Variants in RBFOX1 observed in about 807,000 individuals in gnomAD.
RBFOX1 encodes RNA binding fox-1 homolog 1, also known as RNA binding protein fox-1 homolog 1.
Under a neutral mutation model 57.7 loss-of-function variants are expected in RBFOX1, and 8 were observed. The ratio of observed to expected loss-of-function variants is 0.14; its 90% confidence interval spans 0.08 to 0.25. The LOEUF (loss-of-function observed/expected upper bound fraction) is 0.25, where lower values mean the gene tolerates loss of function less well. Ranked by LOEUF, RBFOX1 falls within the 10% of genes least tolerant of loss-of-function variation. The pLI, the probability that RBFOX1 is intolerant of heterozygous loss-of-function variation, is 1.00. For synonymous variants in RBFOX1, 326 were observed against 222.4 expected, an observed-to-expected ratio of 1.47 and a Z score of -4.15; for missense variants, 611 against 548.5, an observed-to-expected ratio of 1.11 and a Z score of -1.14.
At chr16:7,439,965 T>G (rs2098753446) in intron 4 of RBFOX1, among the ~76,000 whole-genome samples, 1 of 150,532 alleles carries the variant, frequency 6.6e-6, no homozygotes, top group African/African-American at 2.4e-5. Flanking sequence ...TTTTTTTTTT[T>G]TTTTGAGACA....
At chr16:5,997,836 A>G (rs978142952) in intron 4 of RBFOX1, among the ~76,000 whole-genome samples, 9 of 151,618 alleles carry the variant, frequency 5.9e-5, no homozygotes, top group Non-Finnish European at 1.0e-4. Context: ...ATGCCTGTAC[A>G]TTTAGTTTAC....
rs1234165265 is a variant in RBFOX1, at chr16:6,950,356, G to A, written c.-15-101701G>A. On this transcript the variant is annotated intron_variant, in intron 3 of 15. Transcript: ENST00000550418. ...ATCCCATAGAATCACAGTTACTTGT[G>A]TGGATCTCTGTCCCTCTGTCCACCC... Among the ~76,000 whole-genome samples the A allele has an allele frequency of 6.6e-5, 10 of 151,990 alleles. No homozygotes were observed. The East Asian group carries it at 9.7e-4, about 15-fold the overall frequency.
intron 4 of RBFOX1, among the ~76,000 whole-genome samples, chr16:5,925,838 C>G (rs1365584381): frequency 6.6e-6 from 1 of 152,192 alleles, no homozygotes; most frequent in Non-Finnish European, 1.5e-5. Flanking sequence ...CTCCAAATAA[C>G]TACCTGGGCC....
intron 3 of RBFOX1, among the ~76,000 whole-genome samples, chr16:6,777,826 T>A (rs2079634943): frequency 6.6e-6 from 1 of 152,130 alleles, no homozygotes; most frequent in South Asian, 2.1e-4. Context: ...CTTTCCAGTT[T>A]CATTTTCACT....
intron 4 of RBFOX1, among the ~76,000 whole-genome samples, chr16:7,226,725 G>C (rs1352965467): frequency 6.6e-6 from 1 of 152,162 alleles, no homozygotes; most frequent in Non-Finnish European, 1.5e-5. Flanking sequence ...TACGTCTAAA[G>C]TCACAGTTAA....
At chr16:7,125,201 T>C (rs950212351) in intron 4 of RBFOX1, among the ~76,000 whole-genome samples, 4 of 152,186 alleles carry the variant, frequency 2.6e-5, no homozygotes, top group African/African-American at 9.7e-5. Context: ...GGCCACACTG[T>C]CTTGAGTTCA....
At chr16:6,830,283 A>T (rs952667788) in intron 3 of RBFOX1, among the ~76,000 whole-genome samples, 4 of 152,224 alleles carry the variant, frequency 2.6e-5, no homozygotes, top group African/African-American at 9.6e-5. Flanking sequence ...TCTGATATAC[A>T]CAACAGGGAA....
intron 1 of RBFOX1, among the ~76,000 whole-genome samples, chr16:6,176,918 A>G (rs1460579735): frequency 1.3e-5 from 2 of 152,136 alleles, no homozygotes; most frequent in Non-Finnish European, 2.9e-5. Context: ...GTTTTTGTTT[A>G]CTGTGACAAC....
At chr16:5,657,856 C>T (rs898494796) in intron 3 of RBFOX1, among the ~76,000 whole-genome samples, 2 of 151,328 alleles carry the variant, frequency 1.3e-5, no homozygotes, top group Non-Finnish European at 1.5e-5. Context: ...TTCAGACCCC[C>T]AGGTAGCTGG....
intron 4 of RBFOX1, among the ~76,000 whole-genome samples, chr16:5,882,756 G>A (rs749170373): frequency 2.0e-4 from 31 of 152,040 alleles, no homozygotes; most frequent in Non-Finnish European, 4.1e-4. Context: ...GGTTAAAGAC[G>A]GAATTTGACA....
At chr16:5,537,690 T>C (rs973250716) in intron 2 of RBFOX1, among the ~76,000 whole-genome samples, 2 of 152,254 alleles carry the variant, frequency 1.3e-5, no homozygotes, top group Admixed American at 1.3e-4. Flanking sequence ...AAGCCAATGA[T>C]GGCTGGTTGA....
At position 5,856,563 on chromosome 16, in the gene RBFOX1, A is replaced by ATGTGTGTGTGTG. The variant is rs1317876935; in HGVS notation, c.319-10738_319-10727dup. ...TGTGTGTGTGTGTGTGTGTGTGTGT[A>ATGTGTGTGTGTG]TGTGTGTGTGTGTATATATATATAT... is the stretch of plus-strand genomic sequence containing the variant. On this transcript the variant is annotated intron_variant, in intron 3 of 19. Coordinates refer to the RBFOX1 transcript ENST00000641259. Among the ~76,000 whole-genome samples, 327 of 66,888 alleles carry ATGTGTGTGTGTG rather than the reference A, an allele frequency of 4.9e-3. 10 individuals carry two copies. The highest frequency in any genetic ancestry group is 0.032 in the Middle Eastern group (3 of 94). 43.9% of individuals were successfully genotyped at this position (66,888 alleles called of 152,430 possible). A position where few individuals can be genotyped will look rare whatever the true frequency, so the allele number is the denominator to read the frequency against.
rs956369747 is a variant in RBFOX1 at position 5,284,469 on chromosome 16, C to T, written c.219+44364C>T. ...CTTCCCAATGTAGGACTCCCTTAAG[C>T]ATTTCTTGTAGGACCACAACAAACA... is the stretch of plus-strand genomic sequence containing the variant. On this transcript the variant is annotated intron_variant, in intron 1 of 2. Transcript: ENST00000585867. Among the ~76,000 whole-genome samples, 8 of 151,886 alleles carry T rather than the reference C, an allele frequency of 5.3e-5. No individual in the cohort carries two copies. In the South Asian group the frequency reaches 1.5e-3, roughly 28 times the overall value.
intron 3 of RBFOX1, among the ~76,000 whole-genome samples, chr16:6,990,159 G>A (rs1298142184): frequency 6.6e-6 from 1 of 152,184 alleles, no homozygotes; most frequent in Non-Finnish European, 1.5e-5. Context: ...TAGGGATTCA[G>A]TAAGTATGTG....
chr16:7,176,880 G>T (rs1343161422), intron 4 of RBFOX1, among the ~76,000 whole-genome samples: 1 of 152,120 alleles, frequency 6.6e-6, no homozygotes, highest in Non-Finnish European at 1.5e-5. Context: ...CAGGAATGGG[G>T]GGAGAGGAAA....
At chr16:5,784,263 T>C (rs2054423240) in intron 3 of RBFOX1, among the ~76,000 whole-genome samples, 1 of 151,834 alleles carries the variant, frequency 6.6e-6, no homozygotes, top group South Asian at 2.1e-4. Flanking sequence ...CTACTAAAAA[T>C]ACAAAAAAAC....
intron 1 of RBFOX1, among the ~76,000 whole-genome samples, chr16:5,306,267 C>G (rs1252792765): frequency 6.6e-6 from 1 of 151,958 alleles, no homozygotes; most frequent in African/African-American, 2.4e-5. Context: ...ATTTGGATAA[C>G]AGTCCCTACT....
chr16:5,718,848 G>A (rs928844978), intron 3 of RBFOX1, among the ~76,000 whole-genome samples: 31 of 152,054 alleles, frequency 2.0e-4, no homozygotes, highest in Middle Eastern at 3.2e-3. Context: ...GGCTGAGGTC[G>A]CAGTGAGTGG....
chr16:5,417,379 G>C (rs1596965741), intron 1 of RBFOX1, among the ~76,000 whole-genome samples: 2 of 152,306 alleles, frequency 1.3e-5, no homozygotes, highest in South Asian at 4.1e-4. Flanking sequence ...GGCAAAACAG[G>C]CATGATTGAC....
Sources: gnomAD v4.1 joint callset for allele counts (sites outside exome capture counted in the v4.1 genomes callset) on GRCh38, gnomAD v4.1.1 for gene constraint, MANE v1.5 for transcripts, NCBI Gene and HGNC (gene_info 2026-07-23, HGNC 2026-07-21) for gene names.